Variants in BRD10 observed in about 807,000 individuals in gnomAD.
The protein encoded by BRD10 is uncharacterized bromodomain-containing protein 10.
At chr9:5,990,180 C>A in the BRD10 span, among the ~76,000 whole-genome samples, 2 of 152,162 alleles carry the variant, frequency 1.3e-5, no homozygotes, top group Admixed American at 6.5e-5. Context: ...CTAATTGGGC[C>A]GGAAGTAAGG....
At chr9:5,916,676 C>T in the BRD10 span, among the ~76,000 whole-genome samples, 1 of 151,804 alleles carries the variant, frequency 6.6e-6, no homozygotes, top group Admixed American at 6.6e-5. Context: ...GCTAACACAC[C>T]AGAAGGAGGC....
the BRD10 span, among the ~76,000 whole-genome samples, chr9:5,901,786 T>G: frequency 6.6e-6 from 1 of 151,706 alleles, no homozygotes; most frequent in African/African-American, 2.4e-5. Flanking sequence ...CCTCCCAAAG[T>G]GCTGGGATTA....
the BRD10 span, among the ~76,000 whole-genome samples, chr9:5,971,052 CAAAAAAAA>C: frequency 6.9e-5 from 3 of 43,194 alleles, no homozygotes; most frequent in Admixed American, 2.7e-4. Flanking sequence ...AGCAACGTCT[CAAAAAAAA>C]AAAAAAAAAA....
At chr9:5,921,197 T>C in the BRD10 span, 7 of 1,613,980 alleles carry the variant, frequency 4.3e-6, no homozygotes, top group Non-Finnish European at 5.1e-6. Context: ...GGTTACATTT[T>C]GTAATATGTT....
At chr9:5,940,705 C>T in the BRD10 span, among the ~76,000 whole-genome samples, 2 of 151,994 alleles carry the variant, frequency 1.3e-5, no homozygotes, top group African/African-American at 4.8e-5. Flanking sequence ...GTAGGGAGGA[C>T]AAATGGGGAG....
At chr9:5,953,321 G>A in the BRD10 span, among the ~76,000 whole-genome samples, 2 of 152,048 alleles carry the variant, frequency 1.3e-5, no homozygotes, top group South Asian at 2.1e-4. Flanking sequence ...TAAAGAAAGT[G>A]TTTATTGAAG....
the BRD10 span, among the ~76,000 whole-genome samples, chr9:5,882,951 T>A: frequency 6.6e-6 from 1 of 152,226 alleles, no homozygotes; most frequent in Admixed American, 6.5e-5. Flanking sequence ...CAGGTGGGAA[T>A]TGAACAATGA....
At chr9:5,932,561 T>C in the BRD10 span, among the ~76,000 whole-genome samples, 80 of 152,296 alleles carry the variant, frequency 5.3e-4, no homozygotes, top group African/African-American at 1.8e-3. Flanking sequence ...ACAGAGATGA[T>C]TTAAAGTCTA....
the BRD10 span, among the ~76,000 whole-genome samples, chr9:5,906,574 C>A: frequency 6.6e-6 from 1 of 152,304 alleles, no homozygotes; most frequent in East Asian, 1.9e-4. Flanking sequence ...CAAGAGTGTT[C>A]CTTTTGTAGA....
At chr9:5,944,999 A>T in the BRD10 span, 1 of 998,060 alleles carries the variant, frequency 1.0e-6, no homozygotes, top group Non-Finnish European at 1.5e-6. Context: ...ATAACACATA[A>T]TATAAAACAC....
At chr9:5,971,352 C>T in the BRD10 span, among the ~76,000 whole-genome samples, 1 of 152,116 alleles carries the variant, frequency 6.6e-6, no homozygotes. Context: ...TGTGATCTAG[C>T]AATTCTACTC....
chr9:5,936,656 T>C, the BRD10 span, among the ~76,000 whole-genome samples: 1 of 152,198 alleles, frequency 6.6e-6, no homozygotes, highest in African/African-American at 2.4e-5. Context: ...GTTTTATTAA[T>C]ATTCAGTCCA....
the BRD10 span, among the ~76,000 whole-genome samples, chr9:6,003,289 C>T: frequency 1.3e-5 from 2 of 152,176 alleles, no homozygotes; most frequent in African/African-American, 2.4e-5. Context: ...CTTCAGCCTA[C>T]ATGGCAATAT....
chr9:5,994,672 C>A, the BRD10 span, among the ~76,000 whole-genome samples: 26 of 152,164 alleles, frequency 1.7e-4, no homozygotes, highest in African/African-American at 6.3e-4. Flanking sequence ...TCTCCCTGGA[C>A]CAATTATATT....
the BRD10 span, among the ~76,000 whole-genome samples, chr9:5,988,021 A>G: frequency 6.6e-6 from 1 of 152,142 alleles, no homozygotes. Context: ...CCTGATTTTA[A>G]AGGTCTGTGA....
the BRD10 span, among the ~76,000 whole-genome samples, chr9:5,926,526 A>AT: frequency 3.3e-5 from 5 of 151,568 alleles, no homozygotes; most frequent in Admixed American, 2.6e-4. Context: ...CAGGCTTTAA[A>AT]TTTTTTATTT....
the BRD10 span, among the ~76,000 whole-genome samples, chr9:5,912,740 G>C: frequency 1.3e-5 from 2 of 152,162 alleles, no homozygotes; most frequent in Non-Finnish European, 2.9e-5. Context: ...CTCTACTGCA[G>C]CGTGCCCTTC....
At chr9:5,914,324 G>T in the BRD10 span, among the ~76,000 whole-genome samples, 1 of 135,110 alleles carries the variant, frequency 7.4e-6, no homozygotes, top group African/African-American at 2.8e-5. Flanking sequence ...TCTTTTTATT[G>T]TTTTTTCTTA....
the BRD10 span, among the ~76,000 whole-genome samples, chr9:5,993,603 C>G: frequency 1.2e-4 from 19 of 152,218 alleles, no homozygotes; most frequent in East Asian, 3.3e-3. Context: ...GTTACTGGAA[C>G]CCAGAGAGCG....
Sources: gnomAD v4.1 joint callset for allele counts (sites outside exome capture counted in the v4.1 genomes callset) on GRCh38, gnomAD v4.1.1 for gene constraint, MANE v1.5 for transcripts, NCBI Gene and HGNC (gene_info 2026-07-23, HGNC 2026-07-21) for gene names.